SRRM4: variants seen among roughly 807,000 people sequenced by gnomAD.
SRRM4 encodes serine/arginine repetitive matrix protein 4.
Under a neutral mutation model 68.9 loss-of-function variants are expected in SRRM4, and 33 were observed. The observed-to-expected ratio is 0.48, with a 90% CI of 0.36 to 0.64. The LOEUF (loss-of-function observed/expected upper bound fraction) is 0.64. SRRM4 is among the 30% of genes least tolerant of loss of function. The pLI is 0.00. For synonymous variants in SRRM4, 318 were observed against 318.8 expected (o/e 1.00, Z 0.03); for missense variants, 817 against 827.1 (o/e 0.99, Z 0.15).
At chr12:118,985,222 C>T (rs562919631) in intron 1 of SRRM4, among the ~76,000 whole-genome samples, 4 of 152,196 alleles carry the variant, frequency 2.6e-5, no homozygotes, top group African/African-American at 9.6e-5. Context: ...GAGAGTGGTC[C>T]CATAATCCTC....
chr12:119,071,533 G>A (rs1044585383), intron 1 of SRRM4, among the ~76,000 whole-genome samples: 3 of 152,068 alleles, frequency 2.0e-5, no homozygotes, highest in Admixed American at 1.3e-4. Context: ...ATTTACATAC[G>A]ATAAAATAAG....
At chr12:118,982,208 C>T (rs911072456) in intron 1 of SRRM4, among the ~76,000 whole-genome samples, 195 bp downstream of exon 1, 3 of 152,154 alleles carry the variant, frequency 2.0e-5, no homozygotes, top group Admixed American at 2.0e-4. Context: ...GACAGGAATT[C>T]TTTGGGGGAA....
chr12:118,997,487 T>G (rs1403553878), intron 1 of SRRM4, among the ~76,000 whole-genome samples: 1 of 152,218 alleles, frequency 6.6e-6, no homozygotes, highest in Non-Finnish European at 1.5e-5. Context: ...CTCCCCAGCC[T>G]GGAGGCAATC....
At chr12:119,080,712 T>G (rs1390916550) in intron 1 of SRRM4, among the ~76,000 whole-genome samples, 1 of 152,240 alleles carries the variant, frequency 6.6e-6, no homozygotes, top group East Asian at 1.9e-4. Flanking sequence ...CTGGGAGCAA[T>G]TACCATTGCA....
At chr12:119,013,563 G>C (rs952982542) in intron 1 of SRRM4, among the ~76,000 whole-genome samples, 1 of 151,956 alleles carries the variant, frequency 6.6e-6, no homozygotes, top group African/African-American at 2.4e-5. Context: ...TATTCTTCCA[G>C]AAATATTTTA....
At chr12:119,098,474 A>AT (rs1395311985) in intron 1 of SRRM4, among the ~76,000 whole-genome samples, 7 of 152,184 alleles carry the variant, frequency 4.6e-5, no homozygotes, top group African/African-American at 1.7e-4. Context: ...TCTTTGGCCA[A>AT]TTTTTTACCA....
In SRRM4 at chr12:119,022,647, G is replaced by A. The variant is rs9668932; in HGVS notation, c.131+40634G>A. Among the ~76,000 whole-genome samples, 772 of 152,288 alleles carry A rather than the reference G, an allele frequency of 5.1e-3. 13 individuals carry two copies. The highest frequency in any genetic ancestry group is 0.018 in the African/African-American group (728 of 41,562). On this transcript the variant is annotated intron_variant, in intron 1 of 12. Coordinates refer to ENST00000267260, the MANE Select transcript of SRRM4 (RefSeq NM_194286.4). Reference sequence around the variant, plus strand: ...CTAACATTTGCAGAGGGATTGTGAAGTTTTGTCACATGGTCACATATATCT... The same window carrying A: ...CTAACATTTGCAGAGGGATTGTGAAATTTTGTCACATGGTCACATATATCT...
intron 1 of SRRM4, among the ~76,000 whole-genome samples, chr12:119,045,919 T>C (rs928668978): frequency 5.3e-5 from 8 of 151,958 alleles, no homozygotes; most frequent in Non-Finnish European, 1.0e-4. Flanking sequence ...GCACCTGTAG[T>C]CCCAGCTACT....
At position 119,114,358 on chromosome 12, in the gene SRRM4, G is replaced by C. The variant is rs1041566481; in HGVS notation, c.359G>C (p.Arg120Thr). The C allele has an allele frequency of 1.2e-6, 2 of 1,605,924 alleles. No homozygotes were observed. The highest frequency in any genetic ancestry group is 8.5e-7 in the Non-Finnish European group (1 of 1,176,132). ...KKKKKSTRKKRRRSSSYSPSP... is the reference protein window; with the variant it reads ...KKKKKSTRKKTRRSSSYSPSP... ...AAGAAGAAATCCACTCGGAAGAAGA[G>C]AAGGAGGTAAGAGCACCAAGAGGGA... The change falls in exon 3 of 13, where the codon AGA becomes ACA. Residue 120 changes from arginine to threonine, a missense_variant. By Grantham distance (71) the Arg-to-Thr change is moderately conservative (BLOSUM62 -1). Coordinates refer to ENST00000267260, the MANE Select transcript of SRRM4 (RefSeq NM_194286.4).
chr12:119,147,212 A>G (rs1233086780), intron 9 of SRRM4, among the ~76,000 whole-genome samples: 1 of 152,230 alleles, frequency 6.6e-6, no homozygotes, highest in East Asian at 1.9e-4. Flanking sequence ...GCCAATGTGA[A>G]AAGGTCACAC....
intron 3 of SRRM4, among the ~76,000 whole-genome samples, chr12:119,114,688 G>A (rs1414049184): frequency 5.3e-5 from 7 of 131,144 alleles, no homozygotes; most frequent in Admixed American, 1.8e-4. Context: ...TTTTTGAGAC[G>A]GAGTCTCGCT....
intron 11 of SRRM4, among the ~76,000 whole-genome samples, chr12:119,153,850 A>G (rs891273433): frequency 6.6e-6 from 1 of 151,780 alleles, no homozygotes; most frequent in Middle Eastern, 3.2e-3. Flanking sequence ...TCTCCAGCCC[A>G]AACAGTCCCG....
intron 1 of SRRM4, among the ~76,000 whole-genome samples, chr12:119,078,693 G>A (rs1953930447): frequency 1.3e-5 from 2 of 152,174 alleles, no homozygotes; most frequent in African/African-American, 4.8e-5. Flanking sequence ...GCCAAGGCAG[G>A]AGGATTGCTT....
At chr12:119,057,734 T>C (rs1953786051) in intron 1 of SRRM4, among the ~76,000 whole-genome samples, 1 of 152,218 alleles carries the variant, frequency 6.6e-6, no homozygotes, top group African/African-American at 2.4e-5. Flanking sequence ...CTAGGCCAAA[T>C]GGTATTTCTG....
Position 118,987,320 on chromosome 12 carries a change from A to G in SRRM4, c.131+5307A>G, listed in dbSNP as rs1053404918. Among the ~76,000 whole-genome samples, 7 of 152,328 alleles carry G rather than the reference A, an allele frequency of 4.6e-5. 1 individual carries two copies. The highest frequency in any genetic ancestry group is 2.6e-4 in the Admixed American group (4 of 15,306). On this transcript the variant is annotated intron_variant, in intron 1 of 12. Transcript: ENST00000267260. ...TTGTGTACTATGCCAGGGGCTACCC[A>G]ACGAGATGCAGAGAGGGGGGATGCT...
At chr12:119,003,976 A>G (rs1328300669) in intron 1 of SRRM4, among the ~76,000 whole-genome samples, 1 of 152,066 alleles carries the variant, frequency 6.6e-6, no homozygotes, top group East Asian at 2.0e-4. Flanking sequence ...GTTAATTATT[A>G]ATGAATTGTT....
intron 1 of SRRM4, among the ~76,000 whole-genome samples, chr12:118,985,109 C>A (rs1953273738): frequency 6.6e-6 from 1 of 152,174 alleles, no homozygotes; most frequent in Admixed American, 6.5e-5. Context: ...GTTCTCCATG[C>A]CTACCCATTT....
At chr12:119,039,456 A>G (rs1054561355) in intron 1 of SRRM4, among the ~76,000 whole-genome samples, 37 of 152,142 alleles carry the variant, frequency 2.4e-4, no homozygotes, top group African/African-American at 8.2e-4. Context: ...TTCCACTAGC[A>G]TTACTATTTC....
chr12:119,157,741 A>C lies in SRRM4; in HGVS notation c.*943A>C, dbSNP rs1954483370. ...GTGCCATGGCCAGTTGCCAGGCCCCAGCGCCAGCCAGTCTGGCCTTACCCT... is the reference window on the plus strand; with the variant it reads ...GTGCCATGGCCAGTTGCCAGGCCCCCGCGCCAGCCAGTCTGGCCTTACCCT... On this transcript the variant is annotated 3_prime_UTR_variant, in exon 13 of 13. Coordinates refer to ENST00000267260, the MANE Select transcript of SRRM4 (RefSeq NM_194286.4). The surrounding 1 kb of genome is among the most constrained non-coding windows in gnomAD (Gnocchi z 4.1). 1 of 152,304 alleles carries C rather than the reference A, an allele frequency of 6.6e-6. No homozygotes were observed. The highest frequency in any genetic ancestry group is 6.5e-5 in the Admixed American group (1 of 15,286). 9.4% of individuals were successfully genotyped at this position (152,304 alleles called of 1,614,324 possible).
Sources: allele counts gnomAD v4.1 joint callset (sites outside exome capture counted in the v4.1 genomes callset), GRCh38; gene constraint gnomAD v4.1.1; non-coding constraint Gnocchi (gnomAD v3.1); transcripts MANE v1.5; gene names NCBI Gene and HGNC (gene_info 2026-07-23, HGNC 2026-07-21).